Variants in LYPLAL1 observed in about 807,000 individuals in gnomAD.
The protein encoded by LYPLAL1 is lysophospholipase like 1.
A neutral mutation model predicts 19.7 loss-of-function variants in LYPLAL1; 23 were observed. The observed-to-expected ratio is 1.17, with a 90% CI of 0.84 to 1.65. The LOEUF (loss-of-function observed/expected upper bound fraction) is 1.65, where lower values mean the gene tolerates loss of function less well. LYPLAL1 is among the 40% of genes most tolerant of loss of function. The pLI is 0.00. For missense variants in LYPLAL1, 355 were observed against 279.4 expected (o/e 1.27, Z -1.93); for synonymous variants, 119 against 96.3 (o/e 1.24, Z -1.38).
chr1:219,262,845 G>T, the LYPLAL1 span, among the ~76,000 whole-genome samples: 10 of 152,348 alleles, frequency 6.6e-5, no homozygotes, highest in Admixed American at 4.6e-4. Context: ...CACATGGACA[G>T]AGTCAGGACC....
the LYPLAL1 span, chr1:219,273,235 A>T: frequency 6.6e-6 from 1 of 152,248 alleles, no homozygotes; most frequent in Admixed American, 6.5e-5. Flanking sequence ...AGTTCTTAAA[A>T]GGAGGCTTAA....
the LYPLAL1 span, among the ~76,000 whole-genome samples, chr1:219,288,803 A>T: frequency 7.3e-4 from 110 of 150,826 alleles, 1 homozygote; most frequent in South Asian, 0.023. Context: ...GTTGCCATAA[A>T]CTTAAAACTG....
chr1:219,257,353 G>GTTTTTT, the LYPLAL1 span, among the ~76,000 whole-genome samples: 6 of 132,576 alleles, frequency 4.5e-5, no homozygotes, highest in African/African-American at 5.7e-5. Context: ...ATCCATACCA[G>GTTTTTT]TTTTTGTTTT....
the LYPLAL1 span, among the ~76,000 whole-genome samples, chr1:219,443,949 C>T: frequency 1.3e-5 from 2 of 152,284 alleles, no homozygotes; most frequent in African/African-American, 2.4e-5. Flanking sequence ...CACTCACTCA[C>T]GCTGGGACCA....
the LYPLAL1 span, among the ~76,000 whole-genome samples, chr1:219,328,225 C>T: frequency 4.4e-3 from 668 of 152,252 alleles, 6 homozygotes; most frequent in Non-Finnish European, 5.8e-3. Context: ...TCTGGGTTGG[C>T]GATACTTCCG....
the LYPLAL1 span, among the ~76,000 whole-genome samples, chr1:219,362,303 A>G: frequency 7.0e-4 from 106 of 152,268 alleles, no homozygotes; most frequent in Middle Eastern, 3.4e-3. Context: ...GATCTTAGAC[A>G]AATAACCTCT....
At chr1:219,345,708 C>T in the LYPLAL1 span, among the ~76,000 whole-genome samples, 1 of 152,182 alleles carries the variant, frequency 6.6e-6, no homozygotes, top group African/African-American at 2.4e-5. Context: ...CTTTCTTTTG[C>T]TTCCTCCAAA....
At chr1:219,226,062 C>G in the LYPLAL1 span, among the ~76,000 whole-genome samples, 2 of 152,220 alleles carry the variant, frequency 1.3e-5, no homozygotes, top group East Asian at 3.8e-4. Flanking sequence ...AGTTGTCACT[C>G]ATGTTCTCTG....
the LYPLAL1 span, among the ~76,000 whole-genome samples, chr1:219,258,951 G>A: frequency 6.6e-6 from 1 of 151,912 alleles, no homozygotes. Context: ...CAAAAAGTGG[G>A]CTAAGGACAT....
intron 2 of LYPLAL1, among the ~76,000 whole-genome samples, chr1:219,187,948 A>C (rs1262382743): frequency 6.6e-6 from 1 of 151,832 alleles, no homozygotes; most frequent in Non-Finnish European, 1.5e-5. Context: ...CTTAGATATG[A>C]TTTTTTAAAA....
chr1:219,421,884 G>A, the LYPLAL1 span, among the ~76,000 whole-genome samples: 9 of 152,162 alleles, frequency 5.9e-5, no homozygotes, highest in African/African-American at 2.2e-4. Context: ...ACGTTTTTTA[G>A]GTGGTTACTC....
At chr1:219,376,829 A>G in the LYPLAL1 span, among the ~76,000 whole-genome samples, 1 of 152,214 alleles carries the variant, frequency 6.6e-6, no homozygotes, top group Non-Finnish European at 1.5e-5. Context: ...CAAAACATAC[A>G]ACAAATTTTG....
chr1:219,267,114 A>T, the LYPLAL1 span, among the ~76,000 whole-genome samples: 2 of 152,144 alleles, frequency 1.3e-5, no homozygotes, highest in African/African-American at 2.4e-5. Flanking sequence ...ATGAGCATTC[A>T]TAAACCCTGG....
the LYPLAL1 span, among the ~76,000 whole-genome samples, chr1:219,291,678 C>T: frequency 2.6e-5 from 4 of 152,108 alleles, no homozygotes; most frequent in African/African-American, 9.7e-5. Flanking sequence ...AACCTCTTAG[C>T]TCTCTATTTA....
intron 3 of LYPLAL1, among the ~76,000 whole-genome samples, chr1:219,202,197 A>G (rs932880685): frequency 6.6e-6 from 1 of 152,146 alleles, no homozygotes; most frequent in African/African-American, 2.4e-5. Context: ...AATAATATCT[A>G]CCTTTTAAAG....
intron 2 of LYPLAL1, among the ~76,000 whole-genome samples, chr1:219,187,641 T>C (rs1465315705): frequency 6.6e-6 from 1 of 151,796 alleles, no homozygotes; most frequent in Admixed American, 6.6e-5. Context: ...CCTATACTTT[T>C]AGATTCACTG....
At chr1:219,306,777 G>C in the LYPLAL1 span, among the ~76,000 whole-genome samples, 3 of 151,078 alleles carry the variant, frequency 2.0e-5, no homozygotes, top group Non-Finnish European at 1.5e-5. Flanking sequence ...TAGATAGATA[G>C]ATAGATAGAT....
chr1:219,382,870 T>TG, the LYPLAL1 span, among the ~76,000 whole-genome samples: 7 of 151,956 alleles, frequency 4.6e-5, no homozygotes, highest in African/African-American at 1.2e-4. Flanking sequence ...TGTTTTGTTT[T>TG]TTTTTTCAAA....
At chr1:219,176,979 G>A (rs1655872186) in intron 1 of LYPLAL1, among the ~76,000 whole-genome samples, 1 of 152,236 alleles carries the variant, frequency 6.6e-6, no homozygotes, top group South Asian at 2.1e-4. Flanking sequence ...GTAGAAGGTA[G>A]TAAGTTTTAT....
Sources: allele counts gnomAD v4.1 joint callset (sites outside exome capture counted in the v4.1 genomes callset), GRCh38; gene constraint gnomAD v4.1.1; transcripts MANE v1.5; gene names NCBI Gene and HGNC (gene_info 2026-07-23, HGNC 2026-07-21).